RPL24: variants seen among roughly 807,000 people sequenced by gnomAD.
RPL24 encodes ribosomal protein L24.
RPL24 carries 7 observed loss-of-function variants against 26.4 expected under a neutral mutation model. That is an observed-to-expected ratio of 0.27 (90% CI 0.15 to 0.50). The LOEUF is 0.50. Ranked by LOEUF, RPL24 falls within the 20% of genes least tolerant of loss-of-function variation. The pLI, the probability that RPL24 is intolerant of heterozygous loss-of-function variation, is 0.98. For missense variants in RPL24, 109 were observed against 194.9 expected, an observed-to-expected ratio of 0.56 and a Z score of 2.62; for synonymous variants, 67 against 65.2, an observed-to-expected ratio of 1.03 and a Z score of -0.13.
chr3:101,682,471 CT>C lies in RPL24; in HGVS notation c.350del (p.Lys117ArgfsTer27). ...CAGTCTTTTTAGATGCTTGCTTAGCCTTTTTTGCTTCCTTAGCAGCCCTGTG... is the reference window on the plus strand; with the variant it reads ...CAGTCTTTTTAGATGCTTGCTTAGCCTTTTTGCTTCCTTAGCAGCCCTGTG... ...QAIRAAKEAK[K>X]AKQASKKTAM... is the part of the protein sequence containing the mutation. On this transcript the variant is annotated frameshift_variant, in exon 5 of 6. Transcript: ENST00000394077. LOFTEE classifies it high-confidence loss of function. The C allele has an allele frequency of 6.2e-7, 1 of 1,613,962 alleles. No homozygotes were observed. Among genetic ancestry groups the C allele is most frequent in the Non-Finnish European group, 8.5e-7 (1 of 1,179,860 alleles).
At position 101,686,509 on chromosome 3, in the gene RPL24, C is replaced by T. The variant is rs762632585; in HGVS notation, c.54G>A (p.Gly18=). 65 of 1,614,116 alleles carry T rather than the reference C, an allele frequency of 4.0e-5. No individual in the cohort carries two copies. Among genetic ancestry groups the T allele is most frequent in the Non-Finnish European group, 5.3e-5 (62 of 1,180,022 alleles). The part of the protein sequence containing the change: ...FSGYKIYPGH[G]RRYARTDGKV... ...TCCCGTCGGTCCTGGCGTAGCGCCT[C>T]CCGTGTCCGGGGTAGATCTTGTACC... Residue 18 remains glycine (G), a synonymous_variant, in exon 2 of 6, where the codon GGG becomes GGA. Coordinates refer to ENST00000394077, the MANE Select transcript of RPL24 (RefSeq NM_000986.4).
rs959219095 is a variant in RPL24, at chr3:101,683,707, C to T, written c.193-800G>A. 1.4e-3 allele frequency among the ~76,000 whole-genome samples: 180 copies of T among 130,794 alleles called. 1 individual carries two copies. Among genetic ancestry groups the T allele is most frequent in the African/African-American group, 3.3e-3 (117 of 35,440 alleles). The allele number at this position is 130,794 out of a possible 152,430, so 85.8% of individuals were successfully genotyped here. A position where few individuals can be genotyped will look rare whatever the true frequency, so the allele number is the denominator to read the frequency against. ...ATTTTAACCTTTTGGTTTTTCTTTTCTTTTTTTTTTTTTTTTTTAAAGACT... is the reference window on the plus strand; with the variant it reads ...ATTTTAACCTTTTGGTTTTTCTTTTTTTTTTTTTTTTTTTTTTTAAAGACT... On this transcript the variant is annotated intron_variant, in intron 3 of 5. Coordinates refer to ENST00000394077, the MANE Select transcript of RPL24 (RefSeq NM_000986.4).
Position 101,682,925 on chromosome 3 carries a change from G to C in RPL24, c.193-18C>G, listed in dbSNP as rs1937281446. 6.2e-7 allele frequency: 1 copy of C among 1,611,090 alleles called. No individual in the cohort carries two copies. Among genetic ancestry groups the C allele is most frequent in the African/African-American group, 1.3e-5 (1 of 74,740 alleles). ...ATTTCTTCCTGCAAAACAAAGATGAGGGGCACACTTAGGAACCTTCCTTCA... is the reference window on the plus strand; with the variant it reads ...ATTTCTTCCTGCAAAACAAAGATGACGGGCACACTTAGGAACCTTCCTTCA... On this transcript the variant is annotated intron_variant, in intron 3 of 5. Transcript: ENST00000394077.
Position 101,681,112 on chromosome 3 carries a change from A to T in RPL24, c.*23T>A, listed in dbSNP as rs774417834. 1 of 1,545,166 alleles carries T rather than the reference A, an allele frequency of 6.5e-7. No individual in the cohort carries two copies. Among genetic ancestry groups the T allele is most frequent in the African/African-American group, 1.4e-5 (1 of 73,414 alleles). On this transcript the variant is annotated 3_prime_UTR_variant, in exon 6 of 6. Transcript: ENST00000394077. Reference sequence around the variant, plus strand: ...AACCTAGAGTTATAATCCAATCTTTATTTAAAAATCTAATCTGCCAGTTTA... The same window carrying T: ...AACCTAGAGTTATAATCCAATCTTTTTTTAAAAATCTAATCTGCCAGTTTA...
At position 101,682,436 on chromosome 3, in the gene RPL24, G is replaced by C. The variant is rs1253458221; in HGVS notation, c.386C>G (p.Ala129Gly). 2 of 1,612,188 alleles carry C rather than the reference G, an allele frequency of 1.2e-6. No individual in the cohort carries two copies. Among genetic ancestry groups the C allele is most frequent in the African/African-American group, 2.7e-5 (2 of 74,890 alleles). Residue 129 changes from alanine to glycine, a missense_variant, in exon 5 of 6, where the codon GCT (alanine) becomes GGT (glycine). By Grantham distance (60) the Ala-to-Gly change is moderately conservative (BLOSUM62 0). This residue lies in a region of RPL24 where 39 missense variants were observed against 80.3 expected (regional missense o/e 0.49). Transcript: ENST00000394077. ...AAGAAACCCCATAATTACCTTAGCAGCAGCCATTGCAGTCTTTTTAGATGC... is the reference window on the plus strand; with the variant it reads ...AAGAAACCCCATAATTACCTTAGCACCAGCCATTGCAGTCTTTTTAGATGC... ...KQASKKTAMA[A>G]AKAPTKAAPK...
At chr3:101,686,143 TC>T (rs1377320694) in intron 2 of RPL24, 35 of 578,014 alleles carry the variant, frequency 6.1e-5, no homozygotes, top group Admixed American at 5.5e-4. Context: ...GAGCAGGAAA[TC>T]TAGGCTCATA....
intron 3 of RPL24, among the ~76,000 whole-genome samples, chr3:101,684,327 G>A (rs570421875): frequency 3.3e-5 from 5 of 151,960 alleles, no homozygotes; most frequent in Middle Eastern, 3.4e-3. Context: ...CACCATGTCC[G>A]GCTAATTTTT....
intron 2 of RPL24, 182 bp downstream of exon 2, chr3:101,686,300 C>A (rs1477758207): frequency 6.6e-6 from 4 of 604,782 alleles, no homozygotes; most frequent in Non-Finnish European, 1.2e-5. Flanking sequence ...ACCTGGCTCA[C>A]AATAAATAAT....
chr3:101,685,634 T>G (rs1402505170), intron 3 of RPL24, among the ~76,000 whole-genome samples, 184 bp downstream of exon 3: 1 of 152,248 alleles, frequency 6.6e-6, no homozygotes, highest in African/African-American at 2.4e-5. Flanking sequence ...TTCAACTCGG[T>G]ATTGCTACTA....
At chr3:101,684,167 CTTT>C (rs930501770) in intron 3 of RPL24, among the ~76,000 whole-genome samples, 3 of 138,138 alleles carry the variant, frequency 2.2e-5, no homozygotes, top group East Asian at 2.2e-4. Context: ...CCCATTTTAA[CTTT>C]TTTTTTTTTT....
At chr3:101,684,776 C>CCAAAAAAAAAAAAAAAAAAA (rs1205904118) in intron 3 of RPL24, among the ~76,000 whole-genome samples, 2 of 53,212 alleles carry the variant, frequency 3.8e-5, no homozygotes, top group South Asian at 1.0e-3. Context: ...CCTGTCTCCC[C>CCAAAAAAAAAAAAAAAAAAA]AAAAAAAAAA....
intron 3 of RPL24, among the ~76,000 whole-genome samples, chr3:101,684,611 TCTC>T (rs1269855772): frequency 6.6e-6 from 1 of 151,662 alleles, no homozygotes; most frequent in Non-Finnish European, 1.5e-5. Flanking sequence ...AAGATTTCTG[TCTC>T]CTCAAAATAT....
intron 3 of RPL24, among the ~76,000 whole-genome samples, chr3:101,683,702 CTTTTCTTTTTTTT>C (rs1408294419): frequency 3.0e-4 from 41 of 138,650 alleles, no homozygotes; most frequent in African/African-American, 1.1e-3. Flanking sequence ...TTTGGTTTTT[CTTTTCTTTTTTTT>C]TTTTTTTTTT....
Position 101,686,518 on chromosome 3 carries a change from G to A in RPL24, c.45C>T (p.Pro15=). The A allele has an allele frequency of 6.2e-7, 1 of 1,614,216 alleles. No individual in the cohort carries two copies. The highest frequency in any genetic ancestry group is 8.5e-7 in the Non-Finnish European group (1 of 1,180,034). Residue 15 remains proline (P), a synonymous_variant, in exon 2 of 6, where the codon CCC becomes CCT. Coordinates refer to ENST00000394077, the MANE Select transcript of RPL24 (RefSeq NM_000986.4). ...LCSFSGYKIY[P]GHGRRYARTD... ...TCCTGGCGTAGCGCCTCCCGTGTCC[G>A]GGGTAGATCTTGTACCCGCTAAAAC... is the stretch of plus-strand genomic sequence containing the variant.
rs749431211 is a variant in RPL24, at chr3:101,682,404, GAAAGT to G, written c.393+20_393+24del. 1.3e-6 allele frequency: 2 copies of G among 1,590,134 alleles called. No individual in the cohort carries two copies. Among genetic ancestry groups the G allele is most frequent in the Admixed American group, 1.7e-5 (1 of 59,950 alleles). ...AAAATTTTCCTGTTGTATTGTTCAAGAAAGTAAAGAAACCCCATAATTACCTTAGC... is the reference window on the plus strand; with the variant it reads ...AAAATTTTCCTGTTGTATTGTTCAAGAAAGAAACCCCATAATTACCTTAGC... On this transcript the variant is annotated intron_variant, in intron 5 of 5. Transcript: ENST00000394077.
At chr3:101,682,600 T>C in intron 4 of RPL24, 108 bp from the exon 5 acceptor site, 1 of 1,121,874 alleles carries the variant, frequency 8.9e-7, no homozygotes, top group Non-Finnish European at 1.3e-6. Context: ...ATTCCTTCCT[T>C]CCCTACCTCC....
At chr3:101,685,413 G>A (rs1201877860) in intron 3 of RPL24, among the ~76,000 whole-genome samples, 1 of 152,106 alleles carries the variant, frequency 6.6e-6, no homozygotes, top group African/African-American at 2.4e-5. Context: ...CACTTAACAA[G>A]GACCAGAAAA....
chr3:101,685,687 T>G, intron 3 of RPL24, 131 bp downstream of exon 3: 1 of 517,272 alleles, frequency 1.9e-6, no homozygotes. Context: ...TTTTTCATTT[T>G]GCTGACGCTT....
chr3:101,686,665 T>C lies in RPL24; in HGVS notation c.5+7A>G. 1 of 1,614,238 alleles carries C rather than the reference T, an allele frequency of 6.2e-7. No homozygotes were observed. Among genetic ancestry groups the C allele is most frequent in the Non-Finnish European group, 8.5e-7 (1 of 1,180,054 alleles). On this transcript the variant is annotated splice_region_variant and intron_variant, in intron 1 of 5. Coordinates refer to ENST00000394077, the MANE Select transcript of RPL24 (RefSeq NM_000986.4). ...TAAGCGGATTGGGAACCACGGGTCG[T>C]GCTTACTTCATGGCGACAGCTCCAC...
Sources: allele counts gnomAD v4.1 joint callset (sites outside exome capture counted in the v4.1 genomes callset), GRCh38; gene constraint gnomAD v4.1.1; regional missense constraint gnomAD v4.1.1; transcripts MANE v1.5; gene names NCBI Gene and HGNC (gene_info 2026-07-23, HGNC 2026-07-21).